Variants in GPM6A observed in about 807,000 individuals in gnomAD.
GPM6A encodes glycoprotein M6A.
A neutral mutation model predicts 32.1 loss-of-function variants in GPM6A; 7 were observed. The observed-to-expected ratio is 0.22, with a 90% CI of 0.12 to 0.41. The LOEUF (loss-of-function observed/expected upper bound fraction) is 0.41. Among genes scored for constraint, GPM6A ranks in the 10% least tolerant of loss-of-function variants. The pLI, the probability that GPM6A is intolerant of heterozygous loss-of-function variation, is 1.00. For synonymous variants in GPM6A, 130 were observed against 123.4 expected (o/e 1.05, Z -0.35); for missense variants, 235 against 347.2 (o/e 0.68, Z 2.57).
intron 1 of GPM6A, among the ~76,000 whole-genome samples, chr4:175,906,280 A>G (rs1314270611): frequency 6.6e-6 from 1 of 152,162 alleles, no homozygotes; most frequent in African/African-American, 2.4e-5. Flanking sequence ...ATATCTCACA[A>G]TGATTCATTA....
chr4:175,835,554 G>A (rs535695467), intron 1 of GPM6A, among the ~76,000 whole-genome samples: 5 of 150,308 alleles, frequency 3.3e-5, no homozygotes, highest in Admixed American at 1.3e-4. Context: ...GCCAAGAAGC[G>A]CCAATATTGA....
At chr4:175,852,031 GAC>G (rs1277781142) in intron 1 of GPM6A, among the ~76,000 whole-genome samples, 7 of 152,090 alleles carry the variant, frequency 4.6e-5, no homozygotes, top group Admixed American at 1.3e-4. Flanking sequence ...CAGAGTCAGA[GAC>G]AAACACAAGA....
At chr4:175,791,164 T>C (rs1733999307) in intron 1 of GPM6A, among the ~76,000 whole-genome samples, 1 of 152,194 alleles carries the variant, frequency 6.6e-6, no homozygotes, top group African/African-American at 2.4e-5. Context: ...GATTCTCAGA[T>C]GAGTTTATTT....
upstream of GPM6A, chr4:175,812,640 A>G (rs186826314): frequency 2.8e-5 from 28 of 990,018 alleles, no homozygotes; most frequent in African/African-American, 4.4e-4. Flanking sequence ...TGAGGTTTGT[A>G]TTGAAATCTG....
At chr4:175,984,214 A>C (rs1579686249) in intron 1 of GPM6A, among the ~76,000 whole-genome samples, 1 of 152,232 alleles carries the variant, frequency 6.6e-6, no homozygotes, top group East Asian at 1.9e-4. Flanking sequence ...CCAAGCTAGA[A>C]GGCAGTGGCA....
chr4:175,860,754 C>T (rs1038491084), intron 1 of GPM6A, among the ~76,000 whole-genome samples: 1 of 152,148 alleles, frequency 6.6e-6, no homozygotes, highest in Non-Finnish European at 1.5e-5. Flanking sequence ...TCCTCCCATG[C>T]AGTGCCTCTA....
intron 1 of GPM6A, among the ~76,000 whole-genome samples, chr4:175,712,255 A>T (rs1001709323): frequency 6.6e-6 from 1 of 152,188 alleles, no homozygotes; most frequent in Non-Finnish European, 1.5e-5. Flanking sequence ...GCACTCACTG[A>T]GTTTGCTTCT....
intron 6 of GPM6A, among the ~76,000 whole-genome samples, chr4:175,637,435 TA>T (rs1325286503): frequency 4.6e-5 from 4 of 86,804 alleles, no homozygotes; most frequent in East Asian, 2.9e-4. Flanking sequence ...ATTATATATA[TA>T]AAAATATATG....
chr4:175,711,944 T>C (rs1215906972), intron 1 of GPM6A, among the ~76,000 whole-genome samples: 2 of 152,150 alleles, frequency 1.3e-5, no homozygotes, highest in Non-Finnish European at 2.9e-5. Flanking sequence ...ATAGATGCTC[T>C]AAATAGGCAA....
intron 1 of GPM6A, among the ~76,000 whole-genome samples, chr4:175,933,881 C>T (rs866899019): frequency 6.6e-6 from 1 of 152,116 alleles, no homozygotes; most frequent in Non-Finnish European, 1.5e-5. Context: ...ATAGAAACAA[C>T]TCAAATGTCC....
At chr4:176,000,312 A>G (rs979835580) in intron 1 of GPM6A, among the ~76,000 whole-genome samples, 15 of 152,196 alleles carry the variant, frequency 9.9e-5, no homozygotes, top group African/African-American at 3.6e-4. Context: ...CAGATTACAG[A>G]CAGGAAAGAG....
At chr4:175,726,531 A>C (rs2111129539) in intron 1 of GPM6A, among the ~76,000 whole-genome samples, 1 of 152,324 alleles carries the variant, frequency 6.6e-6, no homozygotes, top group Middle Eastern at 3.4e-3. Context: ...CTAAATAGCT[A>C]ATCTTTCCTT....
In GPM6A at chr4:175,864,809, AT is replaced by A. The variant is rs1278338332; in HGVS notation, c.-22-52561del. On this transcript the variant is annotated intron_variant, in intron 1 of 7. Transcript: ENST00000280187. ...CCTATAATTTTCATTTTTTTATTTC[AT>A]TTTTTTCTTTTTTCTTCTTTTCTTT... Among the ~76,000 whole-genome samples, 5 of 150,618 alleles carry A rather than the reference AT, an allele frequency of 3.3e-5. No individual in the cohort carries two copies. The South Asian group carries it at 1.0e-3, about 32-fold the overall frequency.
chr4:175,865,767 C>G (rs533501070), intron 1 of GPM6A, among the ~76,000 whole-genome samples: 1 of 151,918 alleles, frequency 6.6e-6, no homozygotes, highest in African/African-American at 2.4e-5. Flanking sequence ...ATATTTTTGT[C>G]TATTCTGCTG....
intron 1 of GPM6A, among the ~76,000 whole-genome samples, chr4:175,733,073 A>G (rs1731501846): frequency 6.6e-6 from 1 of 152,180 alleles, no homozygotes; most frequent in African/African-American, 2.4e-5. Context: ...TTCCTCATGA[A>G]GTTTTTAGCC....
chr4:175,672,207 G>T (rs1446338280), intron 3 of GPM6A, among the ~76,000 whole-genome samples: 8 of 152,152 alleles, frequency 5.3e-5, no homozygotes. Context: ...CTGGCAGAAG[G>T]TTATTACCTT....
At chr4:175,712,022 GAC>G (rs145054148) in intron 1 of GPM6A, among the ~76,000 whole-genome samples, 1,653 of 151,464 alleles carry the variant, frequency 0.011, 15 homozygotes, top group Non-Finnish European at 0.015. Flanking sequence ...ACAGTTTAAA[GAC>G]ACACACACAC....
At chr4:175,648,352 G>A (rs1278509010) in intron 4 of GPM6A, among the ~76,000 whole-genome samples, 3 of 152,194 alleles carry the variant, frequency 2.0e-5, no homozygotes, top group Admixed American at 6.5e-5. Context: ...CTGTGTTGGA[G>A]TAAGCCGTGA....
chr4:175,814,071 T>C (rs563723023), upstream of GPM6A, among the ~76,000 whole-genome samples: 3 of 152,364 alleles, frequency 2.0e-5, no homozygotes, highest in South Asian at 6.2e-4. Flanking sequence ...ACCTGGCATA[T>C]AATCAACACA....
Sources: gnomAD v4.1 joint callset for allele counts (sites outside exome capture counted in the v4.1 genomes callset) on GRCh38, gnomAD v4.1.1 for gene constraint, MANE v1.5 for transcripts, NCBI Gene and HGNC (gene_info 2026-07-23, HGNC 2026-07-21) for gene names.